The following SNX29 variants were observed in gnomAD, a reference collection of about 807,000 sequenced individuals.
SNX29 encodes sorting nexin-29.
SNX29 carries 78 observed loss-of-function variants against 102.1 expected under a neutral mutation model. The ratio of observed to expected loss-of-function variants is 0.76; its 90% CI spans 0.64 to 0.92. The LOEUF is 0.92. Ranked by LOEUF, SNX29 falls within the 40% of genes least tolerant of loss-of-function variation. The pLI is 0.00. For missense variants in SNX29, 1,280 were observed against 1,061.7 expected (o/e 1.21, Z -2.86); for synonymous variants, 580 against 414.5 (o/e 1.40, Z -4.85).
chr16:12,058,845 G>T (rs1386299033), intron 8 of SNX29, among the ~76,000 whole-genome samples: 2 of 145,952 alleles, frequency 1.4e-5, no homozygotes, highest in African/African-American at 5.1e-5. Flanking sequence ...CAGGCTGGAG[G>T]AAGTGGTATG....
chr16:12,372,082 G>A (rs984212609), intron 16 of SNX29, among the ~76,000 whole-genome samples: 1 of 152,216 alleles, frequency 6.6e-6, no homozygotes, highest in African/African-American at 2.4e-5. Flanking sequence ...GCTGTGAAGC[G>A]TTTGGTATAT....
At chr16:12,426,653 A>G (rs1328739783) in intron 18 of SNX29, among the ~76,000 whole-genome samples, 1 of 152,186 alleles carries the variant, frequency 6.6e-6, no homozygotes, top group African/African-American at 2.4e-5. Flanking sequence ...TGTGAATTGT[A>G]TCTCAATTTT....
intron 14 of SNX29, among the ~76,000 whole-genome samples, chr16:12,208,446 A>G (rs1014059603): frequency 3.9e-5 from 6 of 152,158 alleles, no homozygotes; most frequent in Non-Finnish European, 5.9e-5. Context: ...GTGAGGATCT[A>G]TGGTAGGAAG....
chr16:12,219,641 T>A (rs2077422557), intron 14 of SNX29, among the ~76,000 whole-genome samples: 1 of 152,274 alleles, frequency 6.6e-6, no homozygotes, highest in African/African-American at 2.4e-5. Context: ...TTATTGAATG[T>A]ATAAACATGT....
intron 15 of SNX29, among the ~76,000 whole-genome samples, chr16:12,295,618 G>C (rs1321926483): frequency 6.6e-6 from 1 of 152,182 alleles, no homozygotes; most frequent in Non-Finnish European, 1.5e-5. Flanking sequence ...CAAAAACTCA[G>C]CTTTGCCAGG....
chr16:12,476,417 T>C (rs182542467), intron 18 of SNX29, among the ~76,000 whole-genome samples: 504 of 23,826 alleles, frequency 0.021, 2 homozygotes, highest in Non-Finnish European at 0.023. Flanking sequence ...TATATACATA[T>C]ATATATATAT....
At chr16:12,036,384 G>T (rs2057474923) in intron 4 of SNX29, among the ~76,000 whole-genome samples, 1 of 146,302 alleles carries the variant, frequency 6.8e-6, no homozygotes, top group African/African-American at 2.5e-5. Context: ...GCCCAGGCTG[G>T]AGTGCAGTGG....
At chr16:12,066,271 T>C (rs2051033083) in intron 9 of SNX29, among the ~76,000 whole-genome samples, 1 of 152,100 alleles carries the variant, frequency 6.6e-6, no homozygotes, top group Non-Finnish European at 1.5e-5. Context: ...TCTTAGATGG[T>C]ATGGAGCCTT....
intron 20 of SNX29, among the ~76,000 whole-genome samples, chr16:12,558,707 T>C (rs1284101123): frequency 6.6e-6 from 1 of 152,126 alleles, no homozygotes; most frequent in African/African-American, 2.4e-5. Flanking sequence ...CCCATCCCGT[T>C]TCTACGGGGG....
chr16:12,252,549 C>A (rs2078451770), intron 14 of SNX29, among the ~76,000 whole-genome samples: 1 of 152,258 alleles, frequency 6.6e-6, no homozygotes, highest in African/African-American at 2.4e-5. Flanking sequence ...TCATCATCAT[C>A]ACCCAATAAT....
At chr16:12,204,671 G>A (rs1294830005) in intron 14 of SNX29, among the ~76,000 whole-genome samples, 3 of 152,208 alleles carry the variant, frequency 2.0e-5, no homozygotes, top group Non-Finnish European at 2.9e-5. Context: ...TGACAGATGA[G>A]GGAGGCTTGG....
rs113184123 is a variant in SNX29, at chr16:12,310,060, A to G, written c.1782+32024A>G. 5.5e-3 allele frequency among the ~76,000 whole-genome samples: 836 copies of G among 152,208 alleles called. 7 individuals carry two copies. Among genetic ancestry groups the G allele is most frequent in the African/African-American group, 0.019 (809 of 41,508 alleles). On this transcript the variant is annotated intron_variant, in intron 15 of 20. Coordinates refer to ENST00000566228, the MANE Select transcript of SNX29 (RefSeq NM_032167.5). ...TGTGCACACATATGTACACACACGC[A>G]TGCACGCACATACATACACATGTGC...
chr16:12,316,436 T>C (rs879917065), intron 15 of SNX29, among the ~76,000 whole-genome samples: 1 of 152,098 alleles, frequency 6.6e-6, no homozygotes, highest in Non-Finnish European at 1.5e-5. Flanking sequence ...CCTGCTACTC[T>C]GGAGGCTGAG....
At chr16:12,471,814 T>C (rs1023937438) in intron 18 of SNX29, among the ~76,000 whole-genome samples, 8 of 152,276 alleles carry the variant, frequency 5.3e-5, no homozygotes, top group Non-Finnish European at 8.8e-5. Flanking sequence ...TGCCCAGATA[T>C]AGATCCTGGA....
chr16:12,371,100 T>C (rs16959350), intron 16 of SNX29, among the ~76,000 whole-genome samples: 7,251 of 152,228 alleles, frequency 0.048, 355 homozygotes, highest in African/African-American at 0.12. Flanking sequence ...CTCCCAGATA[T>C]TCGAAAATGG....
chr16:12,213,353 A>G (rs2077238195), intron 14 of SNX29, among the ~76,000 whole-genome samples: 1 of 152,160 alleles, frequency 6.6e-6, no homozygotes. Context: ...GAGGGATGAA[A>G]AACTACCTAT....
In SNX29 at chr16:12,006,172, C is replaced by G. The variant is rs536030269; in HGVS notation, c.122+3129C>G. ...TGAGCTATGATCGTGCCATTGCATT[C>G]TAGCTTGGGCAATAGACAGAGACCC... On this transcript the variant is annotated intron_variant, in intron 3 of 20. Transcript: ENST00000566228. 1.9e-4 allele frequency among the ~76,000 whole-genome samples: 29 copies of G among 151,118 alleles called. No individual in the cohort carries two copies. In the South Asian group the frequency reaches 5.9e-3, roughly 31 times the overall value.
Position 12,519,010 on chromosome 16 carries a change from C to T in SNX29, c.2179-5692C>T, listed in dbSNP as rs2089987938. ...ATCAGGGCTTGCAAATGCACTGGCC[C>T]ACGGAGGCTGCCAGGACGGGGAGCA... On this transcript the variant is annotated intron_variant, in intron 19 of 20. Coordinates refer to ENST00000566228, the MANE Select transcript of SNX29 (RefSeq NM_032167.5). Among the ~76,000 whole-genome samples, 4 of 152,270 alleles carry T rather than the reference C, an allele frequency of 2.6e-5. No individual in the cohort carries two copies. The South Asian group carries it at 6.2e-4, about 24-fold the overall frequency.
chr16:12,035,116 G>C (rs901171007), intron 4 of SNX29, among the ~76,000 whole-genome samples: 4 of 151,748 alleles, frequency 2.6e-5, no homozygotes, highest in African/African-American at 9.7e-5. Flanking sequence ...GCTCCTTTCA[G>C]AATGTAAATG....
Sources: gnomAD v4.1 joint callset for allele counts (sites outside exome capture counted in the v4.1 genomes callset) on GRCh38, gnomAD v4.1.1 for gene constraint, MANE v1.5 for transcripts, NCBI Gene and HGNC (gene_info 2026-07-23, HGNC 2026-07-21) for gene names.